The following IPCEF1 variants were observed in gnomAD, a reference collection of about 807,000 sequenced individuals.
IPCEF1 encodes interactor protein for cytohesin exchange factors 1.
IPCEF1 carries 31 observed loss-of-function variants against 50.9 expected under a neutral mutation model. The observed-to-expected ratio is 0.61, with a 90% confidence interval of 0.46 to 0.82. IPCEF1 has a LOEUF of 0.82. Among genes scored for constraint, IPCEF1 ranks in the 40% least tolerant of loss-of-function variants. IPCEF1 has a pLI of 0.00. For missense variants in IPCEF1, 458 were observed against 514.0 expected (o/e 0.89, Z 1.05); for synonymous variants, 181 against 192.0 (o/e 0.94, Z 0.47).
intron 1 of IPCEF1, among the ~76,000 whole-genome samples, chr6:154,300,086 G>A (rs758992850): frequency 1.4e-5 from 2 of 140,936 alleles, no homozygotes; most frequent in African/African-American, 2.5e-5. Flanking sequence ...CCATGACTGC[G>A]AACGGTGTTT....
At chr6:154,209,883 T>A (rs1389347034) in intron 9 of IPCEF1, among the ~76,000 whole-genome samples, 2 of 152,206 alleles carry the variant, frequency 1.3e-5, no homozygotes, top group Non-Finnish European at 2.9e-5. Context: ...CTTTAGAAAA[T>A]GTTAGCATTA....
chr6:154,296,017 G>C (rs528227566), intron 1 of IPCEF1, among the ~76,000 whole-genome samples: 2 of 152,240 alleles, frequency 1.3e-5, no homozygotes, highest in Admixed American at 1.3e-4. Context: ...CAAAATATTA[G>C]TCCCAAATTA....
At chr6:154,169,417 T>A (rs531649166) in intron 10 of IPCEF1, among the ~76,000 whole-genome samples, 1 of 151,776 alleles carries the variant, frequency 6.6e-6, no homozygotes, top group Non-Finnish European at 1.5e-5. Context: ...AGTGGGGGAG[T>A]GATTCATCCT....
At chr6:154,244,413 C>T (rs562029612) in intron 5 of IPCEF1, among the ~76,000 whole-genome samples, 1 of 151,874 alleles carries the variant, frequency 6.6e-6, no homozygotes, top group African/African-American at 2.4e-5. Flanking sequence ...TAGTTTAATC[C>T]TATAGTTCCC....
intron 3 of IPCEF1, among the ~76,000 whole-genome samples, chr6:154,261,631 A>G (rs530115448): frequency 6.6e-6 from 1 of 152,352 alleles, no homozygotes; most frequent in Admixed American, 6.5e-5. Flanking sequence ...GAATACTATC[A>G]GGTAAACAAC....
chr6:154,163,792 A>C (rs1799212729), intron 11 of IPCEF1, among the ~76,000 whole-genome samples: 1 of 152,250 alleles, frequency 6.6e-6, no homozygotes, highest in African/African-American at 2.4e-5. Flanking sequence ...ATTAAACAAA[A>C]AAACTAGACA....
At chr6:154,195,147 C>CT (rs10719288) in intron 10 of IPCEF1, among the ~76,000 whole-genome samples, 12,915 of 122,888 alleles carry the variant, frequency 0.11, 1,213 homozygotes, top group African/African-American at 0.22. Flanking sequence ...TCTTTTCTTT[C>CT]TTTTTTTTTT....
chr6:154,167,179 C>T lies in IPCEF1; in HGVS notation c.1104+741G>A, dbSNP rs534056152. Among the ~76,000 whole-genome samples the T allele has an allele frequency of 5.3e-5, 8 of 152,336 alleles. No individual in the cohort carries two copies. The South Asian group carries it at 1.7e-3, about 32-fold the overall frequency. ...TATCAAAGCTTTTCAGATAAATCGTCTGCTAAATCAGGAGCATTTTACAAA... is the reference window on the plus strand; with the variant it reads ...TATCAAAGCTTTTCAGATAAATCGTTTGCTAAATCAGGAGCATTTTACAAA... On this transcript the variant is annotated intron_variant, in intron 11 of 11. Transcript: ENST00000367220.
chr6:154,257,884 G>A (rs1340027262), intron 3 of IPCEF1, among the ~76,000 whole-genome samples: 2 of 152,042 alleles, frequency 1.3e-5, no homozygotes, highest in Non-Finnish European at 2.9e-5. Context: ...TTATTTTTTG[G>A]TAGAGATGGA....
chr6:154,236,629 G>A (rs1780156998), intron 5 of IPCEF1, among the ~76,000 whole-genome samples: 1 of 152,162 alleles, frequency 6.6e-6, no homozygotes, highest in Admixed American at 6.5e-5. Context: ...CATTTTCCAA[G>A]GTAAGTTTTA....
intron 11 of IPCEF1, among the ~76,000 whole-genome samples, chr6:154,162,691 G>A (rs1222832448): frequency 8.0e-6 from 1 of 124,686 alleles, no homozygotes; most frequent in Non-Finnish European, 1.8e-5. Context: ...CTTGTATCCT[G>A]TTCTCTGCTC....
intron 11 of IPCEF1, among the ~76,000 whole-genome samples, chr6:154,161,198 T>G (rs1376299659): frequency 6.6e-6 from 1 of 151,640 alleles, no homozygotes; most frequent in Non-Finnish European, 1.5e-5. Flanking sequence ...TTTACCCAAT[T>G]TTTTTCTTTT....
chr6:154,186,808 G>A (rs1223442890), intron 10 of IPCEF1, among the ~76,000 whole-genome samples: 3 of 151,904 alleles, frequency 2.0e-5, no homozygotes, highest in East Asian at 1.9e-4. Flanking sequence ...CACCTGCCTC[G>A]GCCTCCCAAA....
At chr6:154,283,004 A>G (rs897064661) in intron 2 of IPCEF1, among the ~76,000 whole-genome samples, 2 of 152,146 alleles carry the variant, frequency 1.3e-5, no homozygotes, top group African/African-American at 2.4e-5. Context: ...TCAAAGATGT[A>G]TATTTGAGGG....
At chr6:154,229,410 C>T (rs1250681541) in intron 5 of IPCEF1, among the ~76,000 whole-genome samples, 2 of 140,100 alleles carry the variant, frequency 1.4e-5, no homozygotes, top group Admixed American at 7.6e-5. Flanking sequence ...ACTGCAGTGG[C>T]GCGATCTTGG....
At chr6:154,299,134 C>A (rs1583963133) in intron 1 of IPCEF1, among the ~76,000 whole-genome samples, 1 of 140,646 alleles carries the variant, frequency 7.1e-6, no homozygotes, top group Admixed American at 7.4e-5. Context: ...CCTTAAAATC[C>A]TGTTGTCAGT....
At chr6:154,239,036 C>G (rs906503435) in intron 5 of IPCEF1, among the ~76,000 whole-genome samples, 1 of 151,980 alleles carries the variant, frequency 6.6e-6, no homozygotes, top group African/African-American at 2.4e-5. Flanking sequence ...CTGCTGTGAG[C>G]TAAGAAGACT....
At chr6:154,334,068 C>G (rs1783736646) in intron 1 of IPCEF1, among the ~76,000 whole-genome samples, 1 of 152,118 alleles carries the variant, frequency 6.6e-6, no homozygotes, top group Non-Finnish European at 1.5e-5. Context: ...GGGCAGCTAA[C>G]ATTTAGAGGT....
intron 2 of IPCEF1, among the ~76,000 whole-genome samples, chr6:154,273,957 G>A (rs1263800320): frequency 6.7e-6 from 1 of 150,044 alleles, no homozygotes; most frequent in Non-Finnish European, 1.5e-5. Flanking sequence ...GTTTCACCTT[G>A]TTAGCCAGGA....
Sources: allele counts gnomAD v4.1 joint callset (sites outside exome capture counted in the v4.1 genomes callset), GRCh38; gene constraint gnomAD v4.1.1; transcripts MANE v1.5; gene names NCBI Gene and HGNC (gene_info 2026-07-23, HGNC 2026-07-21).